The following TGFBR1 variants were observed in gnomAD, a reference collection of about 807,000 sequenced individuals.
The protein encoded by TGFBR1 is TGF-beta receptor type-1.
Under a neutral mutation model 55.1 loss-of-function variants are expected in TGFBR1, and 20 were observed. The observed-to-expected ratio is 0.36, with a 90% CI of 0.26 to 0.53. The LOEUF is 0.53. Ranked by LOEUF, TGFBR1 falls within the 20% of genes least tolerant of loss-of-function variation. The probability of loss-of-function intolerance (pLI) is 0.91; values close to 1 mark genes in which losing one functional copy is unlikely to be tolerated. For missense variants in TGFBR1, 385 were observed against 617.6 expected, an observed-to-expected ratio of 0.62 and a Z score of 3.99; for synonymous variants, 220 against 214.8, an observed-to-expected ratio of 1.02 and a Z score of -0.21.
intron 8 of TGFBR1, 60 bp from the exon 9 acceptor site, chr9:99,149,120 T>C (rs1461306838): frequency 1.4e-5 from 22 of 1,534,730 alleles, no homozygotes; most frequent in Non-Finnish European, 1.9e-5. Flanking sequence ...GTAAAAATTC[T>C]TATCCAGACC....
intron 1 of TGFBR1, among the ~76,000 whole-genome samples, chr9:99,119,000 G>C (rs144547162): frequency 7.8e-4 from 117 of 150,080 alleles, no homozygotes; most frequent in African/African-American, 2.7e-3. Flanking sequence ...TCTGCATTGT[G>C]AATCTGAGGG....
Position 99,129,051 on chromosome 9 carries a change from A to C in TGFBR1, c.294A>C (p.Thr98=), listed in dbSNP as rs747332492. 4 of 1,613,990 alleles carry C rather than the reference A, an allele frequency of 2.5e-6. No individual in the cohort carries two copies. The South Asian group carries it at 3.3e-5, about 13-fold the overall frequency. Residue 98 remains threonine, a synonymous_variant, in exon 2 of 9, where the codon ACA becomes ACC. Transcript: ENST00000374994. ...CAAAAACTGGGTCTGTGACTACAACATATTGCTGCAATCAGGACCATTGCA... is the reference window on the plus strand; with the variant it reads ...CAAAAACTGGGTCTGTGACTACAACCTATTGCTGCAATCAGGACCATTGCA... ...PSSKTGSVTT[T]YCCNQDHCNK...
intron 5 of TGFBR1, among the ~76,000 whole-genome samples, chr9:99,144,240 A>T (rs1364509758): frequency 6.6e-6 from 1 of 152,222 alleles, no homozygotes; most frequent in Admixed American, 6.5e-5. Flanking sequence ...TGCCTGAACC[A>T]TTTTACATTC....
rs760666606 is a variant in TGFBR1, at chr9:99,147,756, A to C, written c.1358A>C (p.Asn453Thr). 2 of 1,613,780 alleles carry C rather than the reference A, an allele frequency of 1.2e-6. No homozygotes were observed. The highest frequency in any genetic ancestry group is 1.1e-5 in the South Asian group (1 of 91,084). ...KVVCEQKLRP[N>T]IPNRWQSCEA... is the part of the protein sequence containing the mutation. The stretch of plus-strand genomic sequence containing the variant: ...GTTTGTGAACAGAAGTTAAGGCCAA[A>C]TATCCCAAACAGATGGCAGAGCTGT... Residue 453 changes from asparagine (N) to threonine (T), a missense_variant, in exon 8 of 9, where the codon AAT becomes ACT. Asn to Thr is a moderately conservative substitution (Grantham distance 65). This residue lies in a region of TGFBR1 where 110 missense variants were observed against 154.6 expected (regional missense o/e 0.71). Transcript: ENST00000374994.
At position 99,137,889 on chromosome 9, in the gene TGFBR1, C is replaced by G. The variant is rs1564161322; in HGVS notation, c.605C>G (p.Ala202Gly). The G allele has an allele frequency of 1.2e-6, 2 of 1,613,790 alleles. No individual in the cohort carries two copies. Among genetic ancestry groups the G allele is most frequent in the Admixed American group, 1.7e-5 (1 of 59,990 alleles). Residue 202 changes from alanine to glycine, a missense_variant, in exon 4 of 9, where the codon GCG (alanine) becomes GGG (glycine). Physicochemically the swap from Ala to Gly is moderately conservative, Grantham distance 60 (BLOSUM62 0). Around this residue, in one of 5 missense-constraint regions of TGFBR1, gnomAD observed 85 missense variants for 228.4 expected, o/e 0.37. Coordinates refer to ENST00000374994, the MANE Select transcript of TGFBR1 (RefSeq NM_004612.4). ...GLPLLVQRTIARTIVLQESIG... is the reference protein window; with the variant it reads ...GLPLLVQRTIGRTIVLQESIG... ...CCATTGCTTGTTCAGAGAACAATTG[C>G]GAGAACTATTGTGTTACAAGAAAGC...
intron 1 of TGFBR1, among the ~76,000 whole-genome samples, chr9:99,107,672 C>T (rs1826453633): frequency 1.3e-5 from 2 of 152,272 alleles, no homozygotes; most frequent in African/African-American, 4.8e-5. Flanking sequence ...TCTTCCTCAG[C>T]CTTCCCCGTG....
At chr9:99,148,399 A>T (rs1166201760) in intron 8 of TGFBR1, among the ~76,000 whole-genome samples, 1 of 152,254 alleles carries the variant, frequency 6.6e-6, no homozygotes. Flanking sequence ...GATTCGTAAG[A>T]TGAATTTTAT....
chr9:99,105,831 AG>A lies in TGFBR1; in HGVS notation c.97+532del, dbSNP rs760257683. On this transcript the variant is annotated intron_variant, in intron 1 of 8. Coordinates refer to ENST00000374994, the MANE Select transcript of TGFBR1 (RefSeq NM_004612.4). ...GGCGGGGTGTGAGCTCCGAGCCTCT[AG>A]GGCTTCGTCCAGTGGGAGTCGGGGG... Among the ~76,000 whole-genome samples the A allele has an allele frequency of 1.3e-3, 204 of 152,102 alleles. 1 individual carries two copies. Among genetic ancestry groups the A allele is most frequent in the Non-Finnish European group, 1.5e-3 (99 of 67,998 alleles).
In TGFBR1 at chr9:99,138,004, T is replaced by C. The variant is rs200078591; in HGVS notation, c.720T>C (p.Arg240=). The change falls in exon 4 of 9, where the codon CGT becomes CGC. Residue 240 remains arginine (R), a synonymous_variant. Transcript: ENST00000374994. ...AVKIFSSREE[R]SWFREAEIYQ... ...AGATATTCTCCTCTAGAGAAGAACG[T>C]TCGTGGTTCCGTGAGGCAGAGATTT... 8 of 1,614,076 alleles carry C rather than the reference T, an allele frequency of 5.0e-6. No homozygotes were observed. The highest frequency in any genetic ancestry group is 6.8e-6 in the Non-Finnish European group (8 of 1,179,970).
intron 1 of TGFBR1, among the ~76,000 whole-genome samples, chr9:99,106,639 A>G (rs562880152): frequency 5.1e-4 from 78 of 152,226 alleles, no homozygotes; most frequent in Non-Finnish European, 9.3e-4. Flanking sequence ...TAAGTACCCA[A>G]TAACTTAAGT....
At chr9:99,127,851 C>T in intron 1 of TGFBR1, 1 of 445,078 alleles carries the variant, frequency 2.2e-6, no homozygotes, top group Admixed American at 2.4e-5. Flanking sequence ...TGCACACATT[C>T]TATCATTGTG....
At position 99,149,545 on chromosome 9, in the gene TGFBR1, C is replaced by G; in HGVS notation, c.*240C>G. The G allele has an allele frequency of 2.1e-6, 1 of 479,372 alleles. No individual in the cohort carries two copies. The highest frequency in any genetic ancestry group is 2.5e-5 in the South Asian group (1 of 40,630). The allele number at this position is 479,372 out of a possible 1,614,324, so 29.7% of individuals were successfully genotyped here. On this transcript the variant is annotated 3_prime_UTR_variant, in exon 9 of 9. Coordinates refer to ENST00000374994, the MANE Select transcript of TGFBR1 (RefSeq NM_004612.4). ...CCAGGACAGAAAATGTGTAGTCTAC[C>G]TTTATTTTTTATTAACAAAACTTGT...
At chr9:99,129,962 A>G (rs1218934863) in intron 2 of TGFBR1, among the ~76,000 whole-genome samples, 1 of 152,186 alleles carries the variant, frequency 6.6e-6, no homozygotes, top group Non-Finnish European at 1.5e-5. Context: ...TGAAGACTTC[A>G]TAAACTTTTT....
In TGFBR1 at chr9:99,138,642, T is replaced by C. The variant is rs1827513573; in HGVS notation, c.805+553T>C. 3.9e-5 allele frequency among the ~76,000 whole-genome samples: 6 copies of C among 152,178 alleles called. No individual in the cohort carries two copies. In the South Asian group the frequency reaches 1.2e-3, roughly 32 times the overall value. ...AACTGTACGGACACTTTTCTGCCTATCATGCTGGTGCCTGAGGCCCAGTGT... is the reference window on the plus strand; with the variant it reads ...AACTGTACGGACACTTTTCTGCCTACCATGCTGGTGCCTGAGGCCCAGTGT... On this transcript the variant is annotated intron_variant, in intron 4 of 8. Transcript: ENST00000374994.
intron 3 of TGFBR1, 74 bp downstream of exon 3, chr9:99,132,813 A>G: frequency 1.9e-6 from 3 of 1,577,682 alleles, no homozygotes; most frequent in South Asian, 2.3e-5. Flanking sequence ...TTAGTTTTCT[A>G]ATAAGCCAAC....
chr9:99,145,032 C>T, intron 6 of TGFBR1, 144 bp downstream of exon 6: 1 of 972,480 alleles, frequency 1.0e-6, no homozygotes, highest in Non-Finnish European at 1.5e-6. Flanking sequence ...CATGGTCTTG[C>T]CTGCTCTGAA....
intron 7 of TGFBR1, 21 bp from the exon 8 acceptor site, chr9:99,147,633 A>T: frequency 6.2e-7 from 1 of 1,608,760 alleles, no homozygotes; most frequent in South Asian, 1.1e-5. Flanking sequence ...TCAAAATTTA[A>T]TTTTTTTTAA....
intron 5 of TGFBR1, 74 bp downstream of exon 5, chr9:99,142,777 G>A (rs1827659646): frequency 6.4e-7 from 1 of 1,555,738 alleles, no homozygotes; most frequent in Admixed American, 1.7e-5. Context: ...AGAAGGTGGA[G>A]GCTGGGCCTG....
chr9:99,122,034 A>ACT (rs1325987999), intron 1 of TGFBR1, among the ~76,000 whole-genome samples: 1 of 152,074 alleles, frequency 6.6e-6, no homozygotes, highest in Non-Finnish European at 1.5e-5. Flanking sequence ...AAAGGGTGGT[A>ACT]CTCTGTCTCA....
Sources: gnomAD v4.1 joint callset for allele counts (sites outside exome capture counted in the v4.1 genomes callset) on GRCh38, gnomAD v4.1.1 for gene constraint, gnomAD v4.1.1 regional missense constraint, MANE v1.5 for transcripts, NCBI Gene and HGNC (gene_info 2026-07-23, HGNC 2026-07-21) for gene names.